The following CCDC73 variants were observed in gnomAD, a reference collection of about 807,000 sequenced individuals.
The protein encoded by CCDC73 is coiled-coil domain-containing protein 73.
In CCDC73, 95 loss-of-function variants were observed where a neutral mutation model predicts 116.5. That is an observed-to-expected ratio of 0.82 (90% CI 0.69 to 0.97). CCDC73 has a LOEUF of 0.97. Ranked by LOEUF, CCDC73 falls within the 50% of genes least tolerant of loss-of-function variation. The pLI, the probability that CCDC73 is intolerant of heterozygous loss-of-function variation, is 0.00. For missense variants in CCDC73, 1,066 were observed against 1,206.8 expected (o/e 0.88, Z 1.73); for synonymous variants, 398 against 401.3 (o/e 0.99, Z 0.10).
chr11:32,614,605 AT>A lies in CCDC73; in HGVS notation c.1712del (p.Asn571IlefsTer10). The A allele has an allele frequency of 6.2e-7, 1 of 1,611,906 alleles. No homozygotes were observed. Among genetic ancestry groups the A allele is most frequent in the Non-Finnish European group, 8.5e-7 (1 of 1,178,564 alleles). Reference protein sequence around the residue: ...HHTDVNLEVENNKTSFNSILN... With the variant: ...HHTDVNLEVEXNKTSFNSILN... ...AAATACTGTTAAATGATGTTTTGTT[AT>A]TTTCAACCTCCAGATTTACATCTGT... On this transcript the variant is annotated frameshift_variant, in exon 16 of 18. Coordinates refer to ENST00000335185, the MANE Select transcript of CCDC73 (RefSeq NM_001008391.4). LOFTEE classifies it high-confidence loss of function.
chr11:32,668,407 G>T (rs1454845126), intron 9 of CCDC73, among the ~76,000 whole-genome samples: 1 of 151,994 alleles, frequency 6.6e-6, no homozygotes, highest in Non-Finnish European at 1.5e-5. Context: ...AAAGATCTAA[G>T]AGAAACTACA....
upstream of CCDC73, among the ~76,000 whole-genome samples, chr11:32,798,705 G>A (rs1468433160): frequency 6.6e-6 from 1 of 152,166 alleles, no homozygotes; most frequent in East Asian, 1.9e-4. Flanking sequence ...ATTTTCAGTG[G>A]CTAATCAGGC....
intron 2 of CCDC73, among the ~76,000 whole-genome samples, chr11:32,751,509 C>T (rs996381403): frequency 3.3e-5 from 5 of 152,284 alleles, no homozygotes; most frequent in Non-Finnish European, 7.4e-5. Context: ...ATGGGTCATT[C>T]GCCTCTGGCT....
chr11:32,683,903 A>G (rs560482380), intron 6 of CCDC73, among the ~76,000 whole-genome samples: 1 of 152,306 alleles, frequency 6.6e-6, no homozygotes, highest in Non-Finnish European at 1.5e-5. Context: ...TAGAGAGAGC[A>G]GTCTAGGGGA....
At chr11:32,807,707 C>A in the CCDC73 span, among the ~76,000 whole-genome samples, 1 of 151,952 alleles carries the variant, frequency 6.6e-6, no homozygotes. Flanking sequence ...GATTGGACAC[C>A]CCTGCCATAC....
At chr11:32,815,719 T>C in the CCDC73 span, among the ~76,000 whole-genome samples, 2 of 152,200 alleles carry the variant, frequency 1.3e-5, no homozygotes, top group Non-Finnish European at 2.9e-5. Context: ...GATCTCTACA[T>C]AGGTCCTCAC....
chr11:32,691,677 CCA>C (rs1015455235), intron 6 of CCDC73, among the ~76,000 whole-genome samples: 6 of 152,040 alleles, frequency 3.9e-5, no homozygotes, highest in Non-Finnish European at 8.8e-5. Flanking sequence ...TCTTGACAAG[CCA>C]CAGAGTAGCT....
At chr11:32,828,325 A>G in the CCDC73 span, among the ~76,000 whole-genome samples, 3 of 151,980 alleles carry the variant, frequency 2.0e-5, no homozygotes, top group South Asian at 2.1e-4. Flanking sequence ...CCTGGCCAAC[A>G]TGGTGAAAAC....
chr11:32,631,631 G>C (rs1026462310), intron 14 of CCDC73, among the ~76,000 whole-genome samples: 2 of 147,812 alleles, frequency 1.4e-5, no homozygotes, highest in African/African-American at 5.3e-5. Flanking sequence ...GGAAGGGACG[G>C]GAAAGGAAAG....
chr11:32,657,389 T>C (rs1285772239), intron 9 of CCDC73, among the ~76,000 whole-genome samples: 3 of 152,128 alleles, frequency 2.0e-5, no homozygotes, highest in Non-Finnish European at 4.4e-5. Context: ...GGCAGACAAA[T>C]TGATGTCTGG....
intron 1 of CCDC73, among the ~76,000 whole-genome samples, chr11:32,781,093 C>T (rs1045537415): frequency 1.3e-5 from 2 of 152,072 alleles, no homozygotes; most frequent in African/African-American, 4.8e-5. Context: ...CAAGATCATG[C>T]CACTGCATTC....
intron 12 of CCDC73, among the ~76,000 whole-genome samples, chr11:32,649,670 C>A (rs1215568105): frequency 6.6e-6 from 1 of 152,148 alleles, no homozygotes; most frequent in Non-Finnish European, 1.5e-5. Flanking sequence ...AGTCTGCAGA[C>A]AAGTACTGAT....
the CCDC73 span, among the ~76,000 whole-genome samples, chr11:32,815,770 A>G: frequency 6.6e-6 from 1 of 152,010 alleles, no homozygotes; most frequent in African/African-American, 2.4e-5. Context: ...ATCTTCTCCC[A>G]TTTTCTAAGG....
intron 2 of CCDC73, among the ~76,000 whole-genome samples, chr11:32,743,271 T>G (rs566559737): frequency 6.6e-6 from 1 of 152,190 alleles, no homozygotes; most frequent in Non-Finnish European, 1.5e-5. Flanking sequence ...AGAATATTGA[T>G]TCTTCCTATC....
rs189705099 is a variant in CCDC73, at chr11:32,701,054, G to C, written c.280-228C>G. Among the ~76,000 whole-genome samples, 1,095 of 152,206 alleles carry C rather than the reference G, an allele frequency of 7.2e-3. 12 individuals are homozygous for C. Among genetic ancestry groups the C allele is most frequent in the African/African-American group, 0.025 (1,024 of 41,536 alleles). ...ATTTATTTATTTGAGATGAGGTCTTGCTATGTTGCCCAGGCTATACTCCAA... is the reference window on the plus strand; with the variant it reads ...ATTTATTTATTTGAGATGAGGTCTTCCTATGTTGCCCAGGCTATACTCCAA... On this transcript the variant is annotated intron_variant, in intron 4 of 17. Transcript: ENST00000335185.
chr11:32,663,640 C>A (rs1045544976), intron 9 of CCDC73, among the ~76,000 whole-genome samples: 4 of 152,196 alleles, frequency 2.6e-5, no homozygotes, highest in African/African-American at 9.7e-5. Context: ...GACAATTTGA[C>A]TTCCTCTTTT....
chr11:32,691,592 T>A (rs1249836697), intron 6 of CCDC73, among the ~76,000 whole-genome samples: 2 of 152,186 alleles, frequency 1.3e-5, no homozygotes, highest in South Asian at 2.1e-4. Flanking sequence ...GTCTTTGTTA[T>A]TTTGGATAGC....
intron 14 of CCDC73, among the ~76,000 whole-genome samples, chr11:32,629,966 G>A (rs1590555191): frequency 6.8e-6 from 1 of 146,576 alleles, no homozygotes; most frequent in South Asian, 2.1e-4. Context: ...AAGTTCTTCA[G>A]GTTGAAGAAA....
Position 32,654,920 on chromosome 11 carries a change from T to C in CCDC73, c.698A>G (p.Tyr233Cys), listed in dbSNP as rs756823454. The C allele has an allele frequency of 6.2e-6, 10 of 1,605,394 alleles. No individual in the cohort carries two copies. In the Admixed American group the frequency reaches 6.9e-5, roughly 11 times the overall value. Residue 233 changes from tyrosine (Y) to cysteine (C), a missense_variant, in exon 10 of 18, where the codon TAT (tyrosine) becomes TGT (cysteine). By Grantham distance (194) the Tyr-to-Cys change is radical. Transcript: ENST00000335185. ...ATTGATGTTTTCTTCTCCCATCTTATATTGACATGTGACTTTGGACTTTAT... is the reference window on the plus strand; with the variant it reads ...ATTGATGTTTTCTTCTCCCATCTTACATTGACATGTGACTTTGGACTTTAT... ...DLIKSKVTCQ[Y>C]KMGEENINLT...
Sources: gnomAD v4.1 joint callset for allele counts (sites outside exome capture counted in the v4.1 genomes callset) on GRCh38, gnomAD v4.1.1 for gene constraint, MANE v1.5 for transcripts, NCBI Gene and HGNC (gene_info 2026-07-23, HGNC 2026-07-21) for gene names.